ADAM22: variants seen among roughly 807,000 people sequenced by gnomAD.
The protein encoded by ADAM22 is ADAM metallopeptidase domain 22.
In ADAM22, 65 loss-of-function variants were observed where a neutral mutation model predicts 144.6. That is an observed-to-expected ratio of 0.45 (90% CI 0.37 to 0.55). The LOEUF (loss-of-function observed/expected upper bound fraction) is 0.55. Among genes scored for constraint, ADAM22 ranks in the 20% least tolerant of loss-of-function variants. The probability of loss-of-function intolerance (pLI) is 0.00; values close to 1 mark genes in which losing one functional copy is unlikely to be tolerated. For missense variants in ADAM22, 974 were observed against 1,184.9 expected (o/e 0.82, Z 2.61); for synonymous variants, 391 against 412.6 (o/e 0.95, Z 0.63).
At chr7:88,035,342 TGCTATACCA>T (rs1443268677) in intron 3 of ADAM22, among the ~76,000 whole-genome samples, 2 of 152,232 alleles carry the variant, frequency 1.3e-5, no homozygotes, top group Non-Finnish European at 2.9e-5. Context: ...TTGTGTCAAT[TGCTATACCA>T]GCAGCTTATC....
chr7:88,083,280 T>A lies in ADAM22; in HGVS notation c.390+7588T>A, dbSNP rs547031396. ...GCATGTTCTCACTCATAGGTGAGAA[T>A]TGAACAGTGAGAACACATGGACACA... On this transcript the variant is annotated intron_variant, in intron 4 of 31. Transcript: ENST00000413139. Among the ~76,000 whole-genome samples the A allele has an allele frequency of 1.9e-3, 293 of 152,054 alleles. 3 individuals carry two copies. Among genetic ancestry groups the A allele is most frequent in the South Asian group, 0.014 (66 of 4,800 alleles).
chr7:87,963,319 C>G (rs972030237), intron 2 of ADAM22, among the ~76,000 whole-genome samples: 1 of 152,034 alleles, frequency 6.6e-6, no homozygotes, highest in African/African-American at 2.4e-5. Context: ...AAGTTCGGAG[C>G]GACAACCCAC....
rs76419855 is a variant in ADAM22 at position 87,999,948 on chromosome 7, T to A, written c.323+21536T>A. ...CATAATTGCACCTGTGAATTAGACA[T>A]TGTGCTCCAGCCTGGGCAATATAGT... On this transcript the variant is annotated intron_variant, in intron 3 of 31. Coordinates refer to ENST00000413139, the MANE Select transcript of ADAM22 (RefSeq NM_001324418.2). Among the ~76,000 whole-genome samples, 1,329 of 151,544 alleles carry A rather than the reference T, an allele frequency of 8.8e-3. 13 individuals carry two copies. The highest frequency in any genetic ancestry group is 0.015 in the Non-Finnish European group (1,048 of 67,932).
At chr7:87,966,043 C>T (rs1241566488) in intron 2 of ADAM22, among the ~76,000 whole-genome samples, 2 of 152,166 alleles carry the variant, frequency 1.3e-5, no homozygotes, top group African/African-American at 4.8e-5. Context: ...GTGTTTTTCT[C>T]ACAGCATTCT....
At chr7:87,944,014 T>C (rs1842967800) in intron 2 of ADAM22, among the ~76,000 whole-genome samples, 1 of 152,206 alleles carries the variant, frequency 6.6e-6, no homozygotes, top group Admixed American at 6.5e-5. Flanking sequence ...ATTTTGCAAG[T>C]GATTTTAAAA....
At chr7:87,979,042 T>C (rs1852627914) in intron 3 of ADAM22, among the ~76,000 whole-genome samples, 1 of 152,186 alleles carries the variant, frequency 6.6e-6, no homozygotes, top group Non-Finnish European at 1.5e-5. Flanking sequence ...GTTCACTTTT[T>C]TAAAAAAGGG....
intron 7 of ADAM22, among the ~76,000 whole-genome samples, chr7:88,122,341 A>G (rs1350462205): frequency 6.6e-6 from 1 of 152,194 alleles, no homozygotes; most frequent in African/African-American, 2.4e-5. Flanking sequence ...ATGACAGTTC[A>G]TCACCTTTGC....
At position 87,934,326 on chromosome 7, in the gene ADAM22, G is replaced by C; in HGVS notation, c.-140G>C. The stretch of plus-strand genomic sequence containing the variant: ...ACTGAGCCGCGGTGGAGGTTGCAGC[G>C]CCACGGCCGCCGCAGCACCGGCCGG... On this transcript the variant is annotated 5_prime_UTR_variant, in exon 1 of 32. Transcript: ENST00000413139. 1.4e-6 allele frequency: 1 copy of C among 700,238 alleles called. No individual in the cohort carries two copies. Among genetic ancestry groups the C allele is most frequent in the African/African-American group, 1.9e-5 (1 of 52,050 alleles). The allele number at this position is 700,238 out of a possible 1,614,324, so 43.4% of individuals were successfully genotyped here.
rs769959473 is a variant in ADAM22, at chr7:88,155,962, C to T, written c.1863C>T (p.Ile621=). 6.2e-7 allele frequency: 1 copy of T among 1,613,270 alleles called. No homozygotes were observed. The highest frequency in any genetic ancestry group is 1.3e-5 in the African/African-American group (1 of 74,976). Residue 621 remains isoleucine, a synonymous_variant, in exon 22 of 32, where the codon ATC becomes ATT. Transcript: ENST00000413139. The part of the protein sequence containing the change: ...IPRLGELDGE[I]TSTLVVQQGR... Reference sequence around the variant, plus strand: ...GGCTTGGAGAACTCGATGGTGAAATCACATCTACTTTAGTTGTGCAGCAAG... The same window carrying T: ...GGCTTGGAGAACTCGATGGTGAAATTACATCTACTTTAGTTGTGCAGCAAG...
chr7:88,042,082 A>G (rs1279549555), intron 3 of ADAM22, among the ~76,000 whole-genome samples: 2 of 152,046 alleles, frequency 1.3e-5, no homozygotes, highest in Non-Finnish European at 2.9e-5. Context: ...AGTCATATCT[A>G]TACTGTATTG....
chr7:88,175,064 GT>G (rs1421651741), intron 26 of ADAM22, among the ~76,000 whole-genome samples: 2 of 152,034 alleles, frequency 1.3e-5, no homozygotes, highest in Non-Finnish European at 2.9e-5. Context: ...TGGTTAAATG[GT>G]TTTTTCCTCC....
chr7:87,934,629 G>A (rs1351594414), intron 1 of ADAM22, 79 bp downstream of exon 1: 3 of 1,339,606 alleles, frequency 2.2e-6, no homozygotes, highest in East Asian at 2.6e-5. Context: ...ATTGAAAAGG[G>A]GGCATCCCCA....
intron 13 of ADAM22, among the ~76,000 whole-genome samples, chr7:88,135,076 G>A (rs1014814386): frequency 1.3e-5 from 2 of 151,598 alleles, no homozygotes; most frequent in African/African-American, 4.8e-5. Flanking sequence ...TCAGGTGTTC[G>A]AGACCAGCTT....
At chr7:88,080,946 A>T (rs1048717724) in intron 4 of ADAM22, among the ~76,000 whole-genome samples, 1 of 152,162 alleles carries the variant, frequency 6.6e-6, no homozygotes, top group Non-Finnish European at 1.5e-5. Flanking sequence ...TTCTGAAACT[A>T]TTCCAATCAA....
At chr7:88,022,144 C>T (rs548546760) in intron 3 of ADAM22, among the ~76,000 whole-genome samples, 9 of 152,092 alleles carry the variant, frequency 5.9e-5, no homozygotes, top group African/African-American at 1.7e-4. Context: ...GATCCTCCTG[C>T]CTCAGCCTCC....
chr7:88,195,971 A>G (rs1332805094), intron 31 of ADAM22, among the ~76,000 whole-genome samples: 3 of 152,122 alleles, frequency 2.0e-5, no homozygotes, highest in African/African-American at 7.2e-5. Context: ...AGCTTTTAAA[A>G]TATTCTTACG....
At position 88,108,168 on chromosome 7, in the gene ADAM22, G is replaced by T; in HGVS notation, c.391-8G>T. 1.2e-6 allele frequency: 2 copies of T among 1,608,576 alleles called. No individual in the cohort carries two copies. The highest frequency in any genetic ancestry group is 1.7e-6 in the Non-Finnish European group (2 of 1,178,172). On this transcript the variant is annotated splice_region_variant and splice_polypyrimidine_tract_variant and intron_variant, in intron 4 of 31. Coordinates refer to ENST00000413139, the MANE Select transcript of ADAM22 (RefSeq NM_001324418.2). ...GCAAAGACTTACATTCTTTATTTCT[G>T]TTTTCAGGGAGGAGAGCACTGTTAC...
At chr7:88,178,218 A>G (rs949578753) in intron 26 of ADAM22, among the ~76,000 whole-genome samples, 1 of 152,180 alleles carries the variant, frequency 6.6e-6, no homozygotes, top group African/African-American at 2.4e-5. Context: ...AACTAAGGTC[A>G]CCCACCAACT....
At chr7:88,050,484 CAAAAA>C (rs111631002) in intron 3 of ADAM22, among the ~76,000 whole-genome samples, 1 of 117,312 alleles carries the variant, frequency 8.5e-6, no homozygotes, top group Non-Finnish European at 1.8e-5. Context: ...CAGGATAACT[CAAAAA>C]AAAAAAAAAA....
Sources: allele counts gnomAD v4.1 joint callset (sites outside exome capture counted in the v4.1 genomes callset), GRCh38; gene constraint gnomAD v4.1.1; transcripts MANE v1.5; gene names NCBI Gene and HGNC (gene_info 2026-07-23, HGNC 2026-07-21).